TUBGCP3: variants seen among roughly 807,000 people sequenced by gnomAD.
The protein encoded by TUBGCP3 is tubulin gamma complex component 3, also known as gamma-tubulin complex component 3.
A neutral mutation model predicts 123.1 loss-of-function variants in TUBGCP3; 50 were observed. The ratio of observed to expected loss-of-function variants is 0.41; its 90% CI spans 0.32 to 0.51. The LOEUF (loss-of-function observed/expected upper bound fraction) is 0.51, where lower values mean the gene tolerates loss of function less well. TUBGCP3 is among the 20% of genes least tolerant of loss of function. The pLI is 0.36. For synonymous variants in TUBGCP3, 405 were observed against 413.9 expected (o/e 0.98, Z 0.26); for missense variants, 882 against 1,127.0 (o/e 0.78, Z 3.11).
rs539918176 is a variant in TUBGCP3 at position 112,527,923 on chromosome 13, C to T, written c.1336-439G>A. ...GCCTGGAACACAGAGGTGCCCAGGCCGGCGTCCTCTGTTCACAGACAAGTC... is the reference window on the plus strand; with the variant it reads ...GCCTGGAACACAGAGGTGCCCAGGCTGGCGTCCTCTGTTCACAGACAAGTC... On this transcript the variant is annotated intron_variant, in intron 11 of 21. Transcript: ENST00000261965. Among the ~76,000 whole-genome samples, 11 of 152,324 alleles carry T rather than the reference C, an allele frequency of 7.2e-5. No homozygotes were observed. The South Asian group carries it at 2.3e-3, about 32-fold the overall frequency.
At chr13:112,570,093 T>A (rs1394511334) in intron 1 of TUBGCP3, among the ~76,000 whole-genome samples, 1 of 151,174 alleles carries the variant, frequency 6.6e-6, no homozygotes, top group Non-Finnish European at 1.5e-5. Context: ...GACTCCTGGG[T>A]CCTCCACCCA....
rs1396977646 is a variant in TUBGCP3, at chr13:112,485,525, G to C, written c.*468C>G. The C allele has an allele frequency of 6.5e-6, 1 of 154,026 alleles. No homozygotes were observed. Among genetic ancestry groups the C allele is most frequent in the Non-Finnish European group, 1.4e-5 (1 of 69,200 alleles). 9.5% of individuals were successfully genotyped at this position (154,026 alleles called of 1,614,324 possible). ...ATAAAATGCTCTATATATTTTCTTA[G>C]TTGGGACATTTTGTTTCAATTTAAT... On this transcript the variant is annotated 3_prime_UTR_variant, in exon 22 of 22. Transcript: ENST00000261965.
rs772297012 is a variant in TUBGCP3 at position 112,569,148 on chromosome 13, G to A, written c.184+4C>T. The A allele has an allele frequency of 1.1e-5, 18 of 1,613,514 alleles. No individual in the cohort carries two copies. The highest frequency in any genetic ancestry group is 2.2e-5 in the East Asian group (1 of 44,834). On this transcript the variant is annotated splice_donor_region_variant and intron_variant, in intron 2 of 21. Transcript: ENST00000261965. ...AACACATGACATTTAAGAAAAATACGTACGCTCTTTCTTGATTTTTTCAGC... is the reference window on the plus strand; with the variant it reads ...AACACATGACATTTAAGAAAAATACATACGCTCTTTCTTGATTTTTTCAGC...
At chr13:112,537,790 C>G (rs533264584) in intron 11 of TUBGCP3, among the ~76,000 whole-genome samples, 1 of 152,246 alleles carries the variant, frequency 6.6e-6, no homozygotes, top group South Asian at 2.1e-4. Flanking sequence ...GCTAAAGTTT[C>G]CTGATTAATG....
chr13:112,549,883 A>G (rs1422679031), intron 8 of TUBGCP3, among the ~76,000 whole-genome samples: 5 of 150,712 alleles, frequency 3.3e-5, no homozygotes, highest in Non-Finnish European at 7.4e-5. Flanking sequence ...CCAGCTACTC[A>G]GGAGGCTGAG....
intron 8 of TUBGCP3, 124 bp downstream of exon 8, chr13:112,553,933 G>T: frequency 6.9e-7 from 1 of 1,445,386 alleles, no homozygotes; most frequent in Non-Finnish European, 9.3e-7. Flanking sequence ...CCTGAAAGTT[G>T]ACTCTCAAAG....
chr13:112,520,885 A>G (rs760151063), intron 14 of TUBGCP3, among the ~76,000 whole-genome samples: 1 of 152,240 alleles, frequency 6.6e-6, no homozygotes, highest in African/African-American at 2.4e-5. Context: ...TCTACAAAAC[A>G]CAGGGCAGAG....
chr13:112,527,284 G>T, intron 12 of TUBGCP3, 90 bp downstream of exon 12: 1 of 1,021,574 alleles, frequency 9.8e-7, no homozygotes, highest in Non-Finnish European at 1.4e-6. Flanking sequence ...CAAAACGCAT[G>T]AAATTTTAAC....
chr13:112,525,258 A>G (rs1026450208), intron 13 of TUBGCP3, among the ~76,000 whole-genome samples: 1 of 152,214 alleles, frequency 6.6e-6, no homozygotes, highest in Non-Finnish European at 1.5e-5. Flanking sequence ...TGGGCTGCGC[A>G]ATAACCCACA....
chr13:112,549,902 A>G (rs1455436101), intron 8 of TUBGCP3, among the ~76,000 whole-genome samples: 4 of 148,512 alleles, frequency 2.7e-5, no homozygotes, highest in Non-Finnish European at 5.9e-5. Context: ...AGGCAGGAGA[A>G]TGGCTTGAAC....
chr13:112,546,007 T>C (rs1878957985), intron 10 of TUBGCP3, 142 bp from the exon 11 acceptor site: 2 of 838,152 alleles, frequency 2.4e-6, no homozygotes, highest in Non-Finnish European at 3.6e-6. Context: ...ACTTTGGACC[T>C]AGAAGCAGCA....
intron 11 of TUBGCP3, among the ~76,000 whole-genome samples, chr13:112,529,244 C>T (rs1256299903): frequency 1.3e-5 from 2 of 152,192 alleles, no homozygotes; most frequent in East Asian, 1.9e-4. Flanking sequence ...TCCTGGATGG[C>T]ATTTTTTTCT....
chr13:112,488,132 A>G (rs1313417317), intron 21 of TUBGCP3, among the ~76,000 whole-genome samples: 1 of 110,274 alleles, frequency 9.1e-6, no homozygotes, highest in East Asian at 3.8e-4. Context: ...ACTTGGTCTC[A>G]AAAAAAAAAA....
At chr13:112,493,645 G>A (rs541894760) in intron 20 of TUBGCP3, among the ~76,000 whole-genome samples, 5 of 142,236 alleles carry the variant, frequency 3.5e-5, no homozygotes, top group Non-Finnish European at 6.1e-5. Context: ...GTGTCCCTGA[G>A]ATGCTCTGGC....
chr13:112,535,721 CTG>C (rs1455548474), intron 11 of TUBGCP3, among the ~76,000 whole-genome samples: 4 of 152,256 alleles, frequency 2.6e-5, no homozygotes, highest in South Asian at 2.1e-4. Flanking sequence ...TTCTCCCACT[CTG>C]TGTTTTTTTC....
At chr13:112,571,427 T>G (rs985634431) in intron 1 of TUBGCP3, among the ~76,000 whole-genome samples, 1 of 152,212 alleles carries the variant, frequency 6.6e-6, no homozygotes, top group Non-Finnish European at 1.5e-5. Context: ...GCTTAAAATA[T>G]TCAGTAAACC....
At chr13:112,501,428 C>A (rs1163615494) in intron 19 of TUBGCP3, among the ~76,000 whole-genome samples, 1 of 152,218 alleles carries the variant, frequency 6.6e-6, no homozygotes, top group Non-Finnish European at 1.5e-5. Context: ...TCTGTCCACA[C>A]AGGGCACCTG....
rs368122141 is a variant in TUBGCP3 at position 112,587,879 on chromosome 13, G to C, written c.76+26C>G. The C allele has an allele frequency of 7.8e-5, 123 of 1,581,214 alleles. No individual in the cohort carries two copies. The African/African-American group carries it at 1.6e-3, about 20-fold the overall frequency. ...GAGCAGCCCCCGGGACGGGTCTGCGGGCTTCGCGTCGCCCGGCCACTCTAC... is the reference window on the plus strand; with the variant it reads ...GAGCAGCCCCCGGGACGGGTCTGCGCGCTTCGCGTCGCCCGGCCACTCTAC... On this transcript the variant is annotated intron_variant, in intron 1 of 21. Coordinates refer to ENST00000261965, the MANE Select transcript of TUBGCP3 (RefSeq NM_006322.6).
chr13:112,598,653 A>C, the TUBGCP3 span, among the ~76,000 whole-genome samples: 1 of 152,170 alleles, frequency 6.6e-6, no homozygotes, highest in Admixed American at 6.5e-5. Flanking sequence ...ACTAATAAAG[A>C]GTAAATTATC....
Sources: allele counts gnomAD v4.1 joint callset (sites outside exome capture counted in the v4.1 genomes callset), GRCh38; gene constraint gnomAD v4.1.1; transcripts MANE v1.5; gene names NCBI Gene and HGNC (gene_info 2026-07-23, HGNC 2026-07-21).